Variants in TBC1D30 observed in about 807,000 individuals in gnomAD.
TBC1D30 encodes TBC1 domain family member 30.
Under a neutral mutation model 63.2 loss-of-function variants are expected in TBC1D30, and 31 were observed. The ratio of observed to expected loss-of-function variants is 0.49; its 90% CI spans 0.37 to 0.66. The LOEUF is 0.66. Ranked by LOEUF, TBC1D30 falls within the 30% of genes least tolerant of loss-of-function variation. The pLI, the probability that TBC1D30 is intolerant of heterozygous loss-of-function variation, is 0.00. For missense variants in TBC1D30, 810 were observed against 953.6 expected (o/e 0.85, Z 1.98); for synonymous variants, 307 against 361.5 (o/e 0.85, Z 1.71).
intron 8 of TBC1D30, among the ~76,000 whole-genome samples, chr12:64,861,825 G>T (rs1247094622): frequency 6.6e-6 from 1 of 152,170 alleles, no homozygotes; most frequent in Non-Finnish European, 1.5e-5. Context: ...ACTTCCTGTT[G>T]TCTGGTGGGA....
intron 10 of TBC1D30, among the ~76,000 whole-genome samples, chr12:64,867,653 A>T (rs539335063): frequency 7.9e-5 from 12 of 152,164 alleles, no homozygotes; most frequent in Non-Finnish European, 1.2e-4. Context: ...CATATAGTAG[A>T]TGCTTAATAT....
At chr12:64,776,961 A>T (rs1434043618), upstream of TBC1D30, among the ~76,000 whole-genome samples, 1 of 152,226 alleles carries the variant, frequency 6.6e-6, no homozygotes, top group East Asian at 1.9e-4. Context: ...AACATACACA[A>T]ATCGATAAAT....
chr12:64,816,773 CTCTT>C lies in TBC1D30; in HGVS notation c.644-11060_644-11057del, dbSNP rs546371840. ...TTTCTTTTCTCTTTCTTTCTCTTCT[CTCTT>C]TTCTTTCCCTCCCTCCCTCCCTTCC... On this transcript the variant is annotated intron_variant, in intron 2 of 12. Transcript: ENST00000542120. 7.0e-4 allele frequency among the ~76,000 whole-genome samples: 107 copies of C among 152,172 alleles called. 1 individual carries two copies. The East Asian group carries it at 0.017, about 24-fold the overall frequency.
chr12:64,824,525 T>G (rs1359283523), upstream of TBC1D30: 1 of 225,524 alleles, frequency 4.4e-6, no homozygotes, highest in Non-Finnish European at 8.7e-6. Flanking sequence ...ACGGGGGAGC[T>G]GGGGCGGCCC....
intron 8 of TBC1D30, among the ~76,000 whole-genome samples, chr12:64,856,762 A>C (rs78002348): frequency 0.043 from 6,503 of 152,138 alleles, 454 homozygotes; most frequent in African/African-American, 0.15. Context: ...AGAAATTTAC[A>C]TGATAGTCTA....
intron 2 of TBC1D30, among the ~76,000 whole-genome samples, chr12:64,807,785 G>T (rs993825366): frequency 3.3e-5 from 5 of 151,770 alleles, no homozygotes; most frequent in Admixed American, 3.3e-4. Flanking sequence ...TTTCTCTGTT[G>T]CCTATGCTGG....
chr12:64,862,416 A>C (rs1264738028), intron 8 of TBC1D30, among the ~76,000 whole-genome samples: 3 of 152,244 alleles, frequency 2.0e-5, no homozygotes, highest in Admixed American at 6.5e-5. Context: ...GAAGACATGA[A>C]GTAGAGGATG....
At chr12:64,858,493 C>G (rs1033733073) in intron 8 of TBC1D30, among the ~76,000 whole-genome samples, 1 of 152,142 alleles carries the variant, frequency 6.6e-6, no homozygotes, top group Non-Finnish European at 1.5e-5. Flanking sequence ...ATGAATCCTA[C>G]CAGTGCTGGG....
At position 64,848,836 on chromosome 12, in the gene TBC1D30, T is replaced by G. The variant is rs145710347; in HGVS notation, c.1038+5351T>G. On this transcript the variant is annotated intron_variant, in intron 8 of 11. Coordinates refer to ENST00000539867, the MANE Select transcript of TBC1D30 (RefSeq NM_015279.2). ...AACGGTATTTCTGGTTCTAGATCCT[T>G]CAGGAATTGCCACACTGTCTTCCAC... Among the ~76,000 whole-genome samples, 99 of 152,332 alleles carry G rather than the reference T, an allele frequency of 6.5e-4. 2 individuals are homozygous for G. The East Asian group carries it at 0.018, about 27-fold the overall frequency.
chr12:64,857,433 A>G (rs1877404621), intron 8 of TBC1D30, among the ~76,000 whole-genome samples: 1 of 152,076 alleles, frequency 6.6e-6, no homozygotes, highest in Non-Finnish European at 1.5e-5. Context: ...CTGGTGCCCT[A>G]TCCTGTTGTG....
chr12:64,816,667 A>G (rs1273891421), intron 2 of TBC1D30, among the ~76,000 whole-genome samples: 2 of 152,238 alleles, frequency 1.3e-5, no homozygotes, highest in Admixed American at 6.5e-5. Flanking sequence ...CCTTTGCCTG[A>G]GAACTCCAAA....
At chr12:64,802,649 C>T (rs1200986474) in intron 2 of TBC1D30, among the ~76,000 whole-genome samples, 3 of 152,006 alleles carry the variant, frequency 2.0e-5, no homozygotes, top group East Asian at 3.9e-4. Flanking sequence ...CCTCCCCCGT[C>T]CCCCACCGCA....
intron 1 of TBC1D30, among the ~76,000 whole-genome samples, chr12:64,769,972 A>G (rs1457226157): frequency 6.6e-6 from 1 of 152,260 alleles, no homozygotes; most frequent in African/African-American, 2.4e-5. Flanking sequence ...CATTTCCAGT[A>G]ACTTTTGAAG....
At chr12:64,797,884 C>G (rs750105033) in intron 2 of TBC1D30, among the ~76,000 whole-genome samples, 3 of 152,150 alleles carry the variant, frequency 2.0e-5, no homozygotes, top group Non-Finnish European at 4.4e-5. Context: ...CTTCCTTCAT[C>G]AGGTTTTCCA....
intron 8 of TBC1D30, among the ~76,000 whole-genome samples, chr12:64,863,917 C>G (rs1877997176): frequency 6.6e-6 from 1 of 152,058 alleles, no homozygotes; most frequent in South Asian, 2.1e-4. Flanking sequence ...TGAATAAGAA[C>G]CAGGATTGAA....
At chr12:64,767,252 T>C (rs1029235434) in intron 1 of TBC1D30, among the ~76,000 whole-genome samples, 1 of 151,806 alleles carries the variant, frequency 6.6e-6, no homozygotes, top group African/African-American at 2.4e-5. Context: ...AAGCAAAAGC[T>C]GATTCTTTGG....
rs1381339348 is a variant in TBC1D30, at chr12:64,824,831, C to T, written c.-49C>T. 3 of 1,520,638 alleles carry T rather than the reference C, an allele frequency of 2.0e-6. No individual in the cohort carries two copies. Among genetic ancestry groups the T allele is most frequent in the Non-Finnish European group, 2.6e-6 (3 of 1,139,396 alleles). 94.2% of individuals were successfully genotyped at this position (1,520,638 alleles called of 1,614,324 possible). ...CTCAGCCGCTCAGCGAGTGGGGTAGCGGGGACCGAGACGGACGGTAGCCGT... is the reference window on the plus strand; with the variant it reads ...CTCAGCCGCTCAGCGAGTGGGGTAGTGGGGACCGAGACGGACGGTAGCCGT... On this transcript the variant is annotated 5_prime_UTR_variant, in exon 1 of 12. Coordinates refer to ENST00000539867, the MANE Select transcript of TBC1D30 (RefSeq NM_015279.2).
chr12:64,880,437 TTGGTATC>T lies in TBC1D30; in HGVS notation c.*4654_*4660del, dbSNP rs1879388883. 6.6e-6 allele frequency: 1 copy of T among 152,290 alleles called. No individual in the cohort carries two copies. The highest frequency in any genetic ancestry group is 1.5e-5 in the Non-Finnish European group (1 of 68,104). 9.4% of individuals were successfully genotyped at this position (152,290 alleles called of 1,614,324 possible). On this transcript the variant is annotated 3_prime_UTR_variant, in exon 12 of 12. Transcript: ENST00000539867. ...GTCAAAGATCAACGTGTCTGCAAATTTGGTATCTGGTGAGGAAGGGCCCTCTTCCTGG... is the reference window on the plus strand; with the variant it reads ...GTCAAAGATCAACGTGTCTGCAAATTTGGTGAGGAAGGGCCCTCTTCCTGG...
chr12:64,790,882 T>G (rs1871877607), intron 2 of TBC1D30, among the ~76,000 whole-genome samples: 1 of 152,202 alleles, frequency 6.6e-6, no homozygotes, highest in African/African-American at 2.4e-5. Context: ...AAGACAATTC[T>G]CTTTGTAAAA....
Sources: gnomAD v4.1 joint callset for allele counts (sites outside exome capture counted in the v4.1 genomes callset) on GRCh38, gnomAD v4.1.1 for gene constraint, MANE v1.5 for transcripts, NCBI Gene and HGNC (gene_info 2026-07-23, HGNC 2026-07-21) for gene names.